SBF2: variants seen among roughly 807,000 people sequenced by gnomAD.
The protein encoded by SBF2 is SET binding factor 2.
Under a neutral mutation model 225.2 loss-of-function variants are expected in SBF2, and 112 were observed. The observed-to-expected ratio is 0.50, with a 90% CI of 0.43 to 0.58. The LOEUF (loss-of-function observed/expected upper bound fraction) is 0.58, where lower values mean the gene tolerates loss of function less well. Ranked by LOEUF, SBF2 falls within the 20% of genes least tolerant of loss-of-function variation. The probability of loss-of-function intolerance (pLI) is 0.00; values close to 1 mark genes in which losing one functional copy is unlikely to be tolerated. For synonymous variants in SBF2, 763 were observed against 773.3 expected (o/e 0.99, Z 0.22); for missense variants, 1,996 against 2,206.2 (o/e 0.90, Z 1.91).
rs1305556699 is a variant in SBF2 at position 10,272,265 on chromosome 11, C to T, written c.55+21750G>A. On this transcript the variant is annotated intron_variant, in intron 1 of 39. Transcript: ENST00000256190. ...GCGCTAGCCCCGGAGGACATGGCGGCGGCGCTGGGCTCCTAGGGGCTGCAG... is the reference window on the plus strand; with the variant it reads ...GCGCTAGCCCCGGAGGACATGGCGGTGGCGCTGGGCTCCTAGGGGCTGCAG... The T allele has an allele frequency of 1.1e-5, 11 of 1,024,480 alleles. No homozygotes were observed. The African/African-American group carries it at 2.2e-4, about 21-fold the overall frequency. 63.5% of individuals were successfully genotyped at this position (1,024,480 alleles called of 1,614,324 possible). A position where few individuals can be genotyped will look rare whatever the true frequency, so the allele number is the denominator to read the frequency against.
chr11:9,940,146 G>C (rs1012277987), intron 16 of SBF2, among the ~76,000 whole-genome samples: 3 of 152,206 alleles, frequency 2.0e-5, no homozygotes. Flanking sequence ...GCTCACGCCT[G>C]TAATCCCAGC....
chr11:9,792,907 C>T (rs1852842907), intron 33 of SBF2, among the ~76,000 whole-genome samples: 1 of 150,846 alleles, frequency 6.6e-6, no homozygotes, highest in African/African-American at 2.4e-5. Flanking sequence ...AGTGCGCCAC[C>T]ACACCCAGCT....
intron 2 of SBF2, among the ~76,000 whole-genome samples, chr11:10,187,311 T>TCCTTTTTCTCTC (rs1956967274): frequency 8.0e-6 from 1 of 124,796 alleles, no homozygotes; most frequent in Non-Finnish European, 1.7e-5. Context: ...TTCTCTCCTC[T>TCCTTTTTCTCTC]CTCTCTCTCT....
chr11:10,198,947 C>T (rs1957477461), intron 1 of SBF2, among the ~76,000 whole-genome samples: 1 of 152,168 alleles, frequency 6.6e-6, no homozygotes, highest in African/African-American at 2.4e-5. Flanking sequence ...TTCATCTATC[C>T]AAACCACTCA....
At chr11:10,169,634 A>C (rs998471925) in intron 2 of SBF2, among the ~76,000 whole-genome samples, 1 of 152,200 alleles carries the variant, frequency 6.6e-6, no homozygotes, top group Non-Finnish European at 1.5e-5. Context: ...GTGTTGCAGT[A>C]AACATGGGAG....
At chr11:9,856,888 C>T (rs1361483006) in intron 18 of SBF2, among the ~76,000 whole-genome samples, 168 bp from the exon 19 acceptor site, 9 of 151,034 alleles carry the variant, frequency 6.0e-5, no homozygotes, top group South Asian at 2.1e-4. Flanking sequence ...CCCAGGTTCA[C>T]GCCATTCTCC....
chr11:9,789,212 T>A lies in SBF2; in HGVS notation c.4829A>T (p.Asp1610Val). The change falls in exon 35 of 40, where the codon GAC (aspartate) becomes GTC (valine). Residue 1610 changes from aspartate to valine, a missense_variant. Physicochemically the swap from Asp to Val is radical, Grantham distance 152 (BLOSUM62 -3). Coordinates refer to ENST00000256190, the MANE Select transcript of SBF2 (RefSeq NM_030962.4). ...TPKHFPSEDS[D>V]LAGEAGPRSQ... ...CCGTGGCCCAGCTTCTCCAGCCAGG[T>A]CAGAGTCTTCGGAGGGGAAGTGCTT... The A allele has an allele frequency of 6.2e-7, 1 of 1,614,154 alleles. No individual in the cohort carries two copies. Among genetic ancestry groups the A allele is most frequent in the Non-Finnish European group, 8.5e-7 (1 of 1,180,024 alleles).
chr11:9,968,102 CAT>C (rs1867085049), intron 14 of SBF2, among the ~76,000 whole-genome samples: 1 of 151,304 alleles, frequency 6.6e-6, no homozygotes, highest in African/African-American at 2.4e-5. Flanking sequence ...CAGTATGTAA[CAT>C]ATCTCAATAA....
At chr11:9,910,999 C>T (rs1862565649) in intron 16 of SBF2, among the ~76,000 whole-genome samples, 1 of 149,898 alleles carries the variant, frequency 6.7e-6, no homozygotes, top group Non-Finnish European at 1.5e-5. Context: ...GAAGAGGTTG[C>T]AGTGAGCTGA....
intron 3 of SBF2, among the ~76,000 whole-genome samples, chr11:10,040,207 G>T (rs757076725): frequency 1.3e-5 from 2 of 151,914 alleles, no homozygotes; most frequent in Non-Finnish European, 2.9e-5. Context: ...CATAAAAATC[G>T]CCACTATGAA....
intron 2 of SBF2, among the ~76,000 whole-genome samples, chr11:10,111,736 G>C (rs1214597989): frequency 6.6e-6 from 1 of 152,210 alleles, no homozygotes; most frequent in Non-Finnish European, 1.5e-5. Context: ...AATTAGCTGG[G>C]CGCGGTGGCG....
At chr11:10,147,855 G>A (rs1954962177) in intron 2 of SBF2, among the ~76,000 whole-genome samples, 1 of 152,102 alleles carries the variant, frequency 6.6e-6, no homozygotes, top group African/African-American at 2.4e-5. Context: ...AATTAAGTAA[G>A]TAATTATGGT....
At chr11:10,148,341 T>C (rs930411800) in intron 2 of SBF2, among the ~76,000 whole-genome samples, 2 of 152,034 alleles carry the variant, frequency 1.3e-5, no homozygotes, top group Non-Finnish European at 2.9e-5. Flanking sequence ...AACCCTACAT[T>C]TGCCTCGAAA....
intron 1 of SBF2, among the ~76,000 whole-genome samples, chr11:10,246,998 G>A (rs59476140): frequency 6.6e-6 from 1 of 152,084 alleles, no homozygotes; most frequent in South Asian, 2.1e-4. Context: ...GAGGCAGGAA[G>A]ATCACTTGAG....
intron 1 of SBF2, among the ~76,000 whole-genome samples, chr11:10,288,016 CACAA>C (rs1424920690): frequency 1.3e-5 from 2 of 152,200 alleles, no homozygotes; most frequent in African/African-American, 4.8e-5. Context: ...CCAGTTGCAC[CACAA>C]ACAGCTTCCC....
intron 1 of SBF2, among the ~76,000 whole-genome samples, chr11:10,196,866 A>AT (rs1555073581): frequency 0.021 from 2,044 of 99,290 alleles, 113 homozygotes; most frequent in African/African-American, 0.033. Flanking sequence ...ATATATATAT[A>AT]TTTTTTTTTT....
chr11:9,829,488 A>G lies in SBF2; in HGVS notation c.3661T>C (p.Ser1221Pro). ...SQNSPQAAPT[S>P]SLESSSSIEQ... ...ATGCTACTGGAAGATTCTAAAGAGGAGGTAGGAGCTATAAAAGGAAAATAT... is the reference window on the plus strand; with the variant it reads ...ATGCTACTGGAAGATTCTAAAGAGGGGGTAGGAGCTATAAAAGGAAAATAT... The change falls in exon 28 of 40, where the codon TCC becomes CCC. Residue 1221 changes from serine to proline, a missense_variant. By Grantham distance (74) the Ser-to-Pro change is moderately conservative. Transcript: ENST00000256190. The G allele has an allele frequency of 6.2e-7, 1 of 1,610,740 alleles. No homozygotes were observed. Among genetic ancestry groups the G allele is most frequent in the Non-Finnish European group, 8.5e-7 (1 of 1,176,892 alleles).
intron 1 of SBF2, among the ~76,000 whole-genome samples, chr11:10,200,332 A>T: frequency 6.6e-6 from 1 of 152,232 alleles, no homozygotes; most frequent in East Asian, 1.9e-4. Context: ...GAGTAGGTGC[A>T]TGTTTCTCAG....
Position 10,065,786 on chromosome 11 carries a change from A to G in SBF2, c.142-22805T>C, listed in dbSNP as rs183207487. On this transcript the variant is annotated intron_variant, in intron 2 of 39. Transcript: ENST00000256190. Reference sequence around the variant, plus strand: ...AACATGGTGAAACCCCGTCTCTACTAAAAATACAAAAACTAGCCAGGTGTG... The same window carrying G: ...AACATGGTGAAACCCCGTCTCTACTGAAAATACAAAAACTAGCCAGGTGTG... 1.6e-4 allele frequency among the ~76,000 whole-genome samples: 24 copies of G among 152,250 alleles called. No homozygotes were observed. The East Asian group carries it at 4.2e-3, about 27-fold the overall frequency.
Sources: gnomAD v4.1 joint callset for allele counts (sites outside exome capture counted in the v4.1 genomes callset) on GRCh38, gnomAD v4.1.1 for gene constraint, MANE v1.5 for transcripts, NCBI Gene and HGNC (gene_info 2026-07-23, HGNC 2026-07-21) for gene names.